TBL1X: variants seen among roughly 807,000 people sequenced by gnomAD.
TBL1X encodes transducin beta like 1 X-linked, also known as F-box-like/WD repeat-containing protein TBL1X.
In TBL1X, 10 loss-of-function variants were observed where a neutral mutation model predicts 50.7. The ratio of observed to expected loss-of-function variants is 0.20; its 90% CI spans 0.12 to 0.33. The LOEUF (loss-of-function observed/expected upper bound fraction) is 0.33, where lower values mean the gene tolerates loss of function less well. Among genes scored for constraint, TBL1X ranks in the 10% least tolerant of loss-of-function variants. TBL1X has a pLI of 1.00. For missense variants in TBL1X, 340 were observed against 504.4 expected (o/e 0.67, Z 3.12); for synonymous variants, 190 against 214.7 (o/e 0.88, Z 1.01).
At chrX:9,538,083 C>G (rs1490503659) in intron 2 of TBL1X, among the ~76,000 whole-genome samples, 1 of 112,336 alleles carries the variant, frequency 8.9e-6, no homozygotes, top group Non-Finnish European at 1.9e-5. Flanking sequence ...CAATGTGCAT[C>G]TGAGATCAGG....
chrX:9,584,778 A>G (rs1010151174), intron 2 of TBL1X, among the ~76,000 whole-genome samples: 2 of 112,100 alleles, frequency 1.8e-5, no homozygotes, highest in African/African-American at 6.5e-5. Context: ...AACCAGCCAC[A>G]AAAGACTGTA....
At chrX:9,694,235 G>GA (rs142404060) in intron 11 of TBL1X, among the ~76,000 whole-genome samples, 130 of 75,936 alleles carry the variant, frequency 1.7e-3, no homozygotes, top group East Asian at 0.011. Context: ...CTAGAATTGA[G>GA]AAAAAAAAAA....
At chrX:9,508,641 T>C (rs1237282307) in intron 2 of TBL1X, among the ~76,000 whole-genome samples, 1 of 112,115 alleles carries the variant, frequency 8.9e-6, no homozygotes, top group East Asian at 2.8e-4. Context: ...TGCACGTGTA[T>C]GTTTCTTATA....
chrX:9,517,515 T>C (rs765902696), intron 2 of TBL1X, among the ~76,000 whole-genome samples: 7 of 111,669 alleles, frequency 6.3e-5, no homozygotes, highest in Non-Finnish European at 1.3e-4. Context: ...TCCACATCAC[T>C]AGAAAGACTC....
chrX:9,568,107 T>TC (rs1017270112), intron 2 of TBL1X, among the ~76,000 whole-genome samples: 3 of 112,102 alleles, frequency 2.7e-5, no homozygotes, highest in Middle Eastern at 4.6e-3. Context: ...CACTCCCTGC[T>TC]CCCTGTTACA....
chrX:9,619,100 A>G (rs2082653636), intron 2 of TBL1X, among the ~76,000 whole-genome samples: 1 of 111,911 alleles, frequency 8.9e-6, no homozygotes, highest in African/African-American at 3.2e-5. Context: ...CTGTTTAGAA[A>G]CTCATGATGT....
At chrX:9,536,065 T>G (rs903652958) in intron 2 of TBL1X, among the ~76,000 whole-genome samples, 1 of 111,977 alleles carries the variant, frequency 8.9e-6, no homozygotes, top group Non-Finnish European at 1.9e-5. Context: ...TCAAATGAAC[T>G]CTGGCCATTT....
chrX:9,523,781 A>C (rs780990029), intron 2 of TBL1X, among the ~76,000 whole-genome samples: 50 of 111,540 alleles, frequency 4.5e-4, no homozygotes, highest in Non-Finnish European at 7.5e-4. Flanking sequence ...GGCTCTCTGT[A>C]GTCATCGAGT....
intron 2 of TBL1X, among the ~76,000 whole-genome samples, chrX:9,627,965 T>TA (rs1175651280): frequency 1.8e-5 from 2 of 112,424 alleles, no homozygotes; most frequent in African/African-American, 3.2e-5. Context: ...AGTGAGGAGT[T>TA]ACTGTATTTA....
intron 2 of TBL1X, among the ~76,000 whole-genome samples, chrX:9,521,904 C>G (rs765720668): frequency 9.0e-6 from 1 of 111,608 alleles, no homozygotes; most frequent in Non-Finnish European, 1.9e-5. Context: ...TCTGTGTAGT[C>G]TAGTAGCCAT....
chrX:9,492,869 GTGTGTGTGTGTGTGTGTGTGTGTGT>G (rs778673528), intron 1 of TBL1X, among the ~76,000 whole-genome samples: 9,272 of 62,065 alleles, frequency 0.15, 525 homozygotes, highest in South Asian at 0.32. Context: ...GTGTGTGTGT[GTGTGTGTGTGTGTGTGTGTGTGTGT>G]GTGTAGGGGA....
chrX:9,488,980 T>C (rs1416647695), intron 1 of TBL1X, among the ~76,000 whole-genome samples: 2 of 111,210 alleles, frequency 1.8e-5, no homozygotes, highest in East Asian at 2.8e-4. Flanking sequence ...GCCACCATGC[T>C]TGCCCTCAGT....
chrX:9,498,163 A>G (rs1429270749), intron 1 of TBL1X, among the ~76,000 whole-genome samples: 3 of 112,020 alleles, frequency 2.7e-5, no homozygotes, highest in African/African-American at 6.5e-5. Context: ...GGTCGCTTCA[A>G]TAACATGGAT....
At chrX:9,565,775 G>T (rs1288121495) in intron 2 of TBL1X, among the ~76,000 whole-genome samples, 2 of 111,362 alleles carry the variant, frequency 1.8e-5, no homozygotes, top group Admixed American at 9.5e-5. Flanking sequence ...AGGCTGCAGT[G>T]AGTCGTGATG....
chrX:9,609,481 T>C (rs67192117), intron 2 of TBL1X, among the ~76,000 whole-genome samples: 8,062 of 108,901 alleles, frequency 0.074, 262 homozygotes, highest in Middle Eastern at 0.12. Context: ...CTTGACCTTC[T>C]CCAGGAAGCA....
intron 1 of TBL1X, among the ~76,000 whole-genome samples, chrX:9,501,449 C>T (rs369740404): frequency 2.9e-3 from 323 of 111,643 alleles, no homozygotes; most frequent in African/African-American, 0.01. Context: ...TGAGTTTGGG[C>T]CTCAGCGAGA....
chrX:9,682,887 C>T (rs2083033945), intron 5 of TBL1X, among the ~76,000 whole-genome samples: 1 of 111,951 alleles, frequency 8.9e-6, no homozygotes, highest in Non-Finnish European at 1.9e-5. Context: ...AAGTTGTAAA[C>T]AGTGTGAGAG....
intron 2 of TBL1X, among the ~76,000 whole-genome samples, chrX:9,518,863 T>C (rs1346339660): frequency 9.0e-6 from 1 of 110,801 alleles, no homozygotes; most frequent in Non-Finnish European, 1.9e-5. Context: ...ACAGGCAGAC[T>C]GTCCATGCTG....
chrX:9,711,517 G>T, intron 15 of TBL1X, 94 bp from the exon 16 acceptor site: 1 of 896,179 alleles, frequency 1.1e-6, no homozygotes. Flanking sequence ...GTAAAAGCTG[G>T]GAAAAACAAC....
Sources: gnomAD v4.1 joint callset for allele counts (sites outside exome capture counted in the v4.1 genomes callset) on GRCh38, gnomAD v4.1.1 for gene constraint, MANE v1.5 for transcripts, NCBI Gene and HGNC (gene_info 2026-07-23, HGNC 2026-07-21) for gene names.